Variants in FCHO2 observed in about 807,000 individuals in gnomAD.
The protein encoded by FCHO2 is FCH and mu domain containing endocytic adaptor 2.
In FCHO2, 43 loss-of-function variants were observed where a neutral mutation model predicts 114.1. That is an observed-to-expected ratio of 0.38 (90% CI 0.30 to 0.49). The LOEUF is 0.49. FCHO2 is among the 20% of genes least tolerant of loss of function. The probability of loss-of-function intolerance (pLI) is 0.97; values close to 1 mark genes in which losing one functional copy is unlikely to be tolerated. For synonymous variants in FCHO2, 293 were observed against 315.2 expected (o/e 0.93, Z 0.75); for missense variants, 807 against 950.4 (o/e 0.85, Z 1.98).
chr5:73,010,614 C>T (rs530708240), intron 6 of FCHO2, among the ~76,000 whole-genome samples: 3 of 152,118 alleles, frequency 2.0e-5, no homozygotes, highest in African/African-American at 4.8e-5. Flanking sequence ...TGGTGGCTCA[C>T]GCCTGTAATC....
intron 18 of FCHO2, among the ~76,000 whole-genome samples, chr5:73,066,989 A>G (rs577794120): frequency 7.6e-4 from 115 of 152,208 alleles, no homozygotes; most frequent in Admixed American, 5.8e-3. Context: ...TCATTGTAAT[A>G]TATTTTATCT....
In FCHO2 at chr5:73,052,519, C is replaced by T; in HGVS notation, c.1173+12C>T. On this transcript the variant is annotated intron_variant, in intron 13 of 25. Transcript: ENST00000430046. Reference sequence around the variant, plus strand: ...CCCCAGCAATATCTGTAAGTACAAACACGTTTGTACTCTTTATATAAAAGT... The same window carrying T: ...CCCCAGCAATATCTGTAAGTACAAATACGTTTGTACTCTTTATATAAAAGT... 2 of 1,563,358 alleles carry T rather than the reference C, an allele frequency of 1.3e-6. No homozygotes were observed. The highest frequency in any genetic ancestry group is 1.7e-6 in the Non-Finnish European group (2 of 1,153,360).
intron 5 of FCHO2, among the ~76,000 whole-genome samples, chr5:72,997,946 G>T (rs1384106448): frequency 6.6e-6 from 1 of 152,100 alleles, no homozygotes; most frequent in African/African-American, 2.4e-5. Flanking sequence ...GGCAGGACCC[G>T]CCAGAGCCAC....
At chr5:72,981,166 T>G (rs1263927482) in intron 2 of FCHO2, among the ~76,000 whole-genome samples, 4 of 152,206 alleles carry the variant, frequency 2.6e-5, no homozygotes, top group African/African-American at 9.7e-5. Flanking sequence ...CAGCATTTGC[T>G]TGTCTGTAAA....
At chr5:72,975,848 A>T (rs1752837630) in intron 2 of FCHO2, among the ~76,000 whole-genome samples, 1 of 152,026 alleles carries the variant, frequency 6.6e-6, no homozygotes, top group Admixed American at 6.6e-5. Context: ...TGTTGTCTGG[A>T]TGTACTACAT....
In FCHO2 at chr5:73,077,362, T is replaced by TA; in HGVS notation, c.1717dup (p.Met573AsnfsTer11). On this transcript the variant is annotated frameshift_variant, in exon 21 of 26. Coordinates refer to ENST00000430046, the MANE Select transcript of FCHO2 (RefSeq NM_138782.3). LOFTEE classifies it high-confidence loss of function. ...GGTGTATTGTGAAGATCACTGGTGA[T>TA]ATGACAATGTCATTTCCAAGTGGAA... 6.3e-7 allele frequency: 1 copy of TA among 1,583,396 alleles called. No individual in the cohort carries two copies.
At chr5:73,058,375 AT>A in intron 16 of FCHO2, 57 bp from the exon 17 acceptor site, 1 of 1,232,626 alleles carries the variant, frequency 8.1e-7, no homozygotes. Flanking sequence ...GTGACTAGAA[AT>A]TTTATACTAA....
intron 19 of FCHO2, among the ~76,000 whole-genome samples, chr5:73,070,460 G>A (rs1421701714): frequency 6.6e-6 from 1 of 151,332 alleles, no homozygotes; most frequent in Non-Finnish European, 1.5e-5. Context: ...TTGTTTGTGT[G>A]GTTTTAATTT....
intron 6 of FCHO2, among the ~76,000 whole-genome samples, chr5:73,009,600 G>A (rs868104773): frequency 1.3e-5 from 2 of 152,090 alleles, no homozygotes; most frequent in African/African-American, 2.4e-5. Context: ...GCAATGGCAC[G>A]ATCTTGGCTT....
chr5:73,014,406 A>T (rs556282038), intron 6 of FCHO2, among the ~76,000 whole-genome samples: 63 of 149,816 alleles, frequency 4.2e-4, no homozygotes, highest in African/African-American at 1.4e-3. Flanking sequence ...CTCCTGCCTC[A>T]GCCTGCCAAG....
At chr5:73,054,931 T>G (rs975413449) in intron 15 of FCHO2, 5 of 169,616 alleles carry the variant, frequency 2.9e-5, no homozygotes, top group African/African-American at 1.2e-4. Context: ...CTATTATAAT[T>G]TAATTATACT....
rs577060647 is a variant in FCHO2 at position 73,005,007 on chromosome 5, T to C, written c.496-1438T>C. 8.1e-4 allele frequency among the ~76,000 whole-genome samples: 123 copies of C among 152,312 alleles called. 1 individual carries two copies. The highest frequency in any genetic ancestry group is 1.2e-3 in the Non-Finnish European group (80 of 68,008). Reference sequence around the variant, plus strand: ...TTCCCCATGGATAAAGGGGCAGTAGTGTAAACGGTAGAGCCAGAATTTCAG... The same window carrying C: ...TTCCCCATGGATAAAGGGGCAGTAGCGTAAACGGTAGAGCCAGAATTTCAG... On this transcript the variant is annotated intron_variant, in intron 5 of 25. Transcript: ENST00000430046.
chr5:72,956,787 C>G (rs77189684), intron 1 of FCHO2, among the ~76,000 whole-genome samples: 62 of 152,260 alleles, frequency 4.1e-4, no homozygotes, highest in African/African-American at 1.4e-3. Context: ...TCCCCCTACT[C>G]TGTGCTCCTT....
At chr5:73,059,742 A>G (rs1489794720) in intron 17 of FCHO2, among the ~76,000 whole-genome samples, 1 of 152,078 alleles carries the variant, frequency 6.6e-6, no homozygotes, top group African/African-American at 2.4e-5. Flanking sequence ...ATAGTTGAAC[A>G]TAATCTGAAG....
At chr5:72,956,176 T>C (rs1751519894) in intron 1 of FCHO2, 47 bp downstream of exon 1, 1 of 1,520,936 alleles carries the variant, frequency 6.6e-7, no homozygotes, top group Non-Finnish European at 8.8e-7. Flanking sequence ...TCCAAGGCTT[T>C]TGGCGCCTGA....
At chr5:72,975,952 G>A (rs150549119) in intron 2 of FCHO2, among the ~76,000 whole-genome samples, 9 of 152,272 alleles carry the variant, frequency 5.9e-5, no homozygotes, top group South Asian at 2.1e-4. Flanking sequence ...GCAGGTTTTC[G>A]TGTGAACATA....
At chr5:72,970,420 C>T (rs1301232078) in intron 2 of FCHO2, among the ~76,000 whole-genome samples, 1 of 151,982 alleles carries the variant, frequency 6.6e-6, no homozygotes, top group Admixed American at 6.6e-5. Flanking sequence ...TCTGTCTAGT[C>T]CAGGCTTTGT....
intron 15 of FCHO2, chr5:73,055,047 A>G: frequency 2.7e-6 from 1 of 366,444 alleles, no homozygotes; most frequent in South Asian, 2.1e-5. Context: ...CCCACTCAAA[A>G]GCTATGTAAT....
chr5:73,075,246 T>C (rs1742857356), intron 20 of FCHO2, among the ~76,000 whole-genome samples: 1 of 152,136 alleles, frequency 6.6e-6, no homozygotes, highest in Non-Finnish European at 1.5e-5. Flanking sequence ...TAACATTAGA[T>C]AGAGGGCTAC....
Sources: gnomAD v4.1 joint callset for allele counts (sites outside exome capture counted in the v4.1 genomes callset) on GRCh38, gnomAD v4.1.1 for gene constraint, MANE v1.5 for transcripts, NCBI Gene and HGNC (gene_info 2026-07-23, HGNC 2026-07-21) for gene names.